The following TBC1D5 variants were observed in gnomAD, a reference collection of about 807,000 sequenced individuals.
TBC1D5 encodes the protein TBC1 domain family member 5, also known as TBC1 domain family, member 5.
TBC1D5 carries 75 observed loss-of-function variants against 100.3 expected under a neutral mutation model. The ratio of observed to expected loss-of-function variants is 0.75; its 90% CI spans 0.62 to 0.91. The LOEUF (loss-of-function observed/expected upper bound fraction) is 0.91, where lower values mean the gene tolerates loss of function less well. TBC1D5 is among the 40% of genes least tolerant of loss of function. The pLI is 0.00. For synonymous variants in TBC1D5, 323 were observed against 325.6 expected (o/e 0.99, Z 0.09); for missense variants, 910 against 942.4 (o/e 0.97, Z 0.45).
intron 13 of TBC1D5, among the ~76,000 whole-genome samples, chr3:17,336,909 A>G (rs1352025010): frequency 1.3e-5 from 2 of 152,162 alleles, no homozygotes; most frequent in Non-Finnish European, 2.9e-5. Context: ...ACAACTTTGC[A>G]CAAGAGAAGA....
intron 4 of TBC1D5, among the ~76,000 whole-genome samples, chr3:17,426,086 C>T (rs4627740): frequency 0.062 from 9,405 of 151,980 alleles, 556 homozygotes; most frequent in African/African-American, 0.15. Context: ...ATTTCAGAGG[C>T]GGTTTAAATA....
intron 3 of TBC1D5, among the ~76,000 whole-genome samples, chr3:17,502,259 C>A (rs1168210527): frequency 6.7e-6 from 1 of 149,672 alleles, no homozygotes; most frequent in Non-Finnish European, 1.5e-5. Context: ...AGAGTGCTGG[C>A]GTATGGATTC....
At chr3:17,613,697 C>G (rs1026008484) in intron 2 of TBC1D5, among the ~76,000 whole-genome samples, 2 of 152,026 alleles carry the variant, frequency 1.3e-5, no homozygotes, top group African/African-American at 4.8e-5. Flanking sequence ...TTGAGAAGAG[C>G]CTTTTCATAT....
intron 3 of TBC1D5, among the ~76,000 whole-genome samples, chr3:17,476,852 A>G (rs2095443744): frequency 6.6e-6 from 1 of 152,008 alleles, no homozygotes; most frequent in Non-Finnish European, 1.5e-5. Flanking sequence ...ATATTTTTGT[A>G]CTGTTATAAA....
intron 2 of TBC1D5, among the ~76,000 whole-genome samples, chr3:17,585,196 TA>T: frequency 6.6e-6 from 1 of 152,306 alleles, no homozygotes; most frequent in South Asian, 2.1e-4. Context: ...TTCAATTTAT[TA>T]AAAAGATACA....
intron 13 of TBC1D5, among the ~76,000 whole-genome samples, chr3:17,364,496 G>GCTATT (rs1357072376): frequency 6.6e-6 from 1 of 152,118 alleles, no homozygotes; most frequent in Non-Finnish European, 1.5e-5. Context: ...ACTATACAAG[G>GCTATT]CTATTCTCTG....
At chr3:17,692,541 A>G (rs1359530815) in intron 1 of TBC1D5, among the ~76,000 whole-genome samples, 1 of 152,238 alleles carries the variant, frequency 6.6e-6, no homozygotes, top group Non-Finnish European at 1.5e-5. Context: ...AGAATAAAAG[A>G]GGTCTAAACA....
chr3:17,689,538 A>G (rs2070799749), intron 1 of TBC1D5, among the ~76,000 whole-genome samples: 1 of 149,512 alleles, frequency 6.7e-6, no homozygotes, highest in South Asian at 2.1e-4. Flanking sequence ...AAAAAAAAAG[A>G]AAAGAAAAAG....
At chr3:17,735,232 TATC>T (rs1343973622) in intron 1 of TBC1D5, among the ~76,000 whole-genome samples, 1 of 152,338 alleles carries the variant, frequency 6.6e-6, no homozygotes, top group East Asian at 1.9e-4. Context: ...TAGCACTATT[TATC>T]ATGAAGAATG....
At chr3:17,313,813 T>C (rs1371318568) in intron 13 of TBC1D5, among the ~76,000 whole-genome samples, 29 of 152,166 alleles carry the variant, frequency 1.9e-4, no homozygotes, top group Admixed American at 1.9e-3. Flanking sequence ...ACGTTGGAAA[T>C]AGAATTCCTG....
At chr3:17,661,480 T>A (rs1043560620) in intron 1 of TBC1D5, among the ~76,000 whole-genome samples, 1 of 151,356 alleles carries the variant, frequency 6.6e-6, no homozygotes, top group Non-Finnish European at 1.5e-5. Context: ...TCTATATGAT[T>A]TTTCCCTAGT....
chr3:17,445,372 T>C (rs538692497), intron 3 of TBC1D5, among the ~76,000 whole-genome samples: 1 of 151,950 alleles, frequency 6.6e-6, no homozygotes, highest in African/African-American at 2.4e-5. Context: ...AAAAGTCCCG[T>C]CTGCCATAGA....
intron 13 of TBC1D5, among the ~76,000 whole-genome samples, chr3:17,348,452 C>T (rs561213799): frequency 1.2e-4 from 19 of 152,074 alleles, no homozygotes; most frequent in Middle Eastern, 3.4e-3. Context: ...TTGCAGGTGA[C>T]GCAGTGTTGC....
chr3:17,610,177 G>C (rs1408473045), intron 2 of TBC1D5, among the ~76,000 whole-genome samples: 2 of 152,058 alleles, frequency 1.3e-5, no homozygotes, highest in Admixed American at 1.3e-4. Context: ...CATCTCATCT[G>C]GCGTCTCTTC....
chr3:17,388,402 C>A (rs879394431), intron 8 of TBC1D5, among the ~76,000 whole-genome samples: 2 of 151,920 alleles, frequency 1.3e-5, no homozygotes, highest in Admixed American at 6.6e-5. Flanking sequence ...GTAAACTGAA[C>A]CCCAATCTAC....
chr3:17,384,940 A>G (rs1418297410), intron 8 of TBC1D5, among the ~76,000 whole-genome samples: 1 of 152,102 alleles, frequency 6.6e-6, no homozygotes, highest in Non-Finnish European at 1.5e-5. Context: ...AGAAAACAGT[A>G]TTTTAATTTA....
intron 2 of TBC1D5, among the ~76,000 whole-genome samples, chr3:17,521,284 A>G (rs942933178): frequency 6.6e-5 from 10 of 152,248 alleles, no homozygotes; most frequent in African/African-American, 2.4e-4. Context: ...TCCTGAGACA[A>G]TAAGACCAAA....
chr3:17,423,967 C>G (rs751476392), intron 4 of TBC1D5, among the ~76,000 whole-genome samples: 7 of 151,554 alleles, frequency 4.6e-5, no homozygotes, highest in Non-Finnish European at 1.0e-4. Context: ...TATAGAGACA[C>G]AAAAAGCTTA....
At chr3:17,455,075 C>T (rs765192682) in intron 3 of TBC1D5, among the ~76,000 whole-genome samples, 3 of 150,282 alleles carry the variant, frequency 2.0e-5, no homozygotes, top group Non-Finnish European at 4.4e-5. Flanking sequence ...ACATTCCTCA[C>T]ACAAGTAGAA....
Sources: gnomAD v4.1 joint callset for allele counts (sites outside exome capture counted in the v4.1 genomes callset) on GRCh38, gnomAD v4.1.1 for gene constraint, MANE v1.5 for transcripts, NCBI Gene and HGNC (gene_info 2026-07-23, HGNC 2026-07-21) for gene names.